The following TTC3 variants were observed in gnomAD, a reference collection of about 807,000 sequenced individuals.
TTC3 encodes the protein E3 ubiquitin-protein ligase TTC3.
TTC3 carries 180 observed loss-of-function variants against 249.6 expected under a neutral mutation model. That is an observed-to-expected ratio of 0.72 (90% CI 0.64 to 0.82). The LOEUF is 0.82. Ranked by LOEUF, TTC3 falls within the 40% of genes least tolerant of loss-of-function variation. The pLI is 0.00. For missense variants in TTC3, 2,061 were observed against 2,398.4 expected (o/e 0.86, Z 2.94); for synonymous variants, 717 against 805.0 (o/e 0.89, Z 1.85).
intron 11 of TTC3, among the ~76,000 whole-genome samples, chr21:37,114,807 G>A (rs934354437): frequency 1.6e-4 from 24 of 152,096 alleles, no homozygotes; most frequent in East Asian, 5.8e-4. Context: ...GATAGACTGG[G>A]TTAAGAAAAT....
At chr21:37,092,029 T>G (rs1208582994) in intron 7 of TTC3, among the ~76,000 whole-genome samples, 1 of 152,266 alleles carries the variant, frequency 6.6e-6, no homozygotes, top group Non-Finnish European at 1.5e-5. Flanking sequence ...TAGTCTCCTT[T>G]GTAAGAAAAA....
At position 37,126,153 on chromosome 21, in the gene TTC3, G is replaced by A; in HGVS notation, c.1297+10G>A. ...TTTTCACCACCATCAAGTGAGTATT[G>A]TTTTTATATCAATTGTTGCCAAGTT... On this transcript the variant is annotated intron_variant, in intron 15 of 45. Transcript: ENST00000355666. 5 of 1,604,760 alleles carry A rather than the reference G, an allele frequency of 3.1e-6. No individual in the cohort carries two copies. The highest frequency in any genetic ancestry group is 4.3e-6 in the Non-Finnish European group (5 of 1,175,944).
At chr21:37,114,377 T>C (rs2075946398) in intron 11 of TTC3, among the ~76,000 whole-genome samples, 1 of 152,172 alleles carries the variant, frequency 6.6e-6, no homozygotes, top group African/African-American at 2.4e-5. Flanking sequence ...GGGCGAAGGA[T>C]ATGAACAGAC....
At chr21:37,144,072 A>G (rs1403139060) in intron 20 of TTC3, among the ~76,000 whole-genome samples, 2 of 151,768 alleles carry the variant, frequency 1.3e-5, no homozygotes, top group African/African-American at 2.4e-5. Context: ...GAAGGGGAAC[A>G]TCACACACTG....
At chr21:37,195,990 A>G (rs146269054) in exon 42 of TTC3, 4 of 1,614,098 alleles carry the variant, frequency 2.5e-6, no homozygotes, top group East Asian at 2.2e-5. Context: ...AAAGCCGTTC[A>G]ATAGTATTAT....
At chr21:37,099,209 G>T (rs1203754970) in intron 10 of TTC3, 3 of 152,088 alleles carry the variant, frequency 2.0e-5, no homozygotes, top group African/African-American at 7.2e-5. Context: ...ATTTAAAAAA[G>T]AACTTTGGCA....
intron 28 of TTC3, chr21:37,157,113 A>G (rs2080174135): frequency 1.4e-6 from 2 of 1,421,768 alleles, no homozygotes; most frequent in Admixed American, 2.1e-5. Context: ...GAGATACTCA[A>G]ATGTAGGTAT....
intron 10 of TTC3, among the ~76,000 whole-genome samples, chr21:37,101,582 C>T (rs925081748): frequency 6.6e-6 from 1 of 152,160 alleles, no homozygotes; most frequent in Non-Finnish European, 1.5e-5. Flanking sequence ...CAGCTCTGAC[C>T]CATCCTCTGA....
chr21:37,117,416 T>A (rs1028617609), intron 11 of TTC3, among the ~76,000 whole-genome samples: 1 of 152,188 alleles, frequency 6.6e-6, no homozygotes. Context: ...GTCATTCTTT[T>A]GCTTGAAACA....
At chr21:37,200,377 T>TTCTTATTTC in intron 45 of TTC3, 53 bp downstream of exon 45, 1 of 1,543,220 alleles carries the variant, frequency 6.5e-7, no homozygotes, top group Non-Finnish European at 8.9e-7. Context: ...CTTCAAATAT[T>TTCTTATTTC]TTCAAAATAA....
intron 28 of TTC3, among the ~76,000 whole-genome samples, chr21:37,158,386 C>G (rs2080329741): frequency 6.6e-6 from 1 of 152,238 alleles, no homozygotes; most frequent in Admixed American, 6.5e-5. Flanking sequence ...GTCATGAGGT[C>G]AGAAGCCACT....
chr21:37,179,945 A>T (rs901449252), intron 35 of TTC3, among the ~76,000 whole-genome samples: 5 of 152,350 alleles, frequency 3.3e-5, no homozygotes, highest in Admixed American at 6.5e-5. Flanking sequence ...CTATCAGCCT[A>T]CATCAGAGGA....
In TTC3 at chr21:37,172,897, C is replaced by G. The variant is rs1241468059; in HGVS notation, c.4617+153C>G. On this transcript the variant is annotated intron_variant, in intron 35 of 45. Coordinates refer to ENST00000355666, the Ensembl canonical transcript of TTC3. Reference sequence around the variant, plus strand: ...TCGCCTGCTTCAGATTTCTTCATGACATATTAAAGTGGCTGTTGCCATGCT... The same window carrying G: ...TCGCCTGCTTCAGATTTCTTCATGAGATATTAAAGTGGCTGTTGCCATGCT... Among the ~76,000 whole-genome samples, 3 of 152,332 alleles carry G rather than the reference C, an allele frequency of 2.0e-5. No individual in the cohort carries two copies. In the South Asian group the frequency reaches 6.2e-4, roughly 32 times the overall value.
chr21:37,151,510 A>G (rs1327696214), intron 25 of TTC3, among the ~76,000 whole-genome samples: 1 of 152,136 alleles, frequency 6.6e-6, no homozygotes, highest in African/African-American at 2.4e-5. Flanking sequence ...ACCAAATTAT[A>G]GTGTTGTGGG....
chr21:37,183,461 C>G (rs2082939486), intron 36 of TTC3, among the ~76,000 whole-genome samples: 2 of 152,160 alleles, frequency 1.3e-5, no homozygotes, highest in South Asian at 4.1e-4. Context: ...AGTGATAGGT[C>G]AAATTCTTCA....
intron 35 of TTC3, among the ~76,000 whole-genome samples, chr21:37,181,863 A>G (rs1179815195): frequency 6.6e-6 from 1 of 152,190 alleles, no homozygotes. Context: ...TCGAGTTTCT[A>G]TAGCTGAAAT....
intron 27 of TTC3, among the ~76,000 whole-genome samples, chr21:37,155,566 T>C (rs1428485643): frequency 6.6e-6 from 1 of 152,228 alleles, no homozygotes; most frequent in Non-Finnish European, 1.5e-5. Flanking sequence ...GCAAGCAGTC[T>C]AGGATAATTT....
At chr21:37,144,794 C>A in intron 21 of TTC3, 149 bp downstream of exon 21, 1 of 1,028,406 alleles carries the variant, frequency 9.7e-7, no homozygotes, top group Admixed American at 3.0e-5. Context: ...GAATCTCTGA[C>A]ATTTATTGAA....
intron 21 of TTC3, 34 bp downstream of exon 21, chr21:37,144,679 G>C (rs758298044): frequency 6.3e-7 from 1 of 1,594,768 alleles, no homozygotes; most frequent in Middle Eastern, 1.7e-4. Context: ...GTTTCTTACT[G>C]TGAATGCTTA....
Sources: gnomAD v4.1 joint callset for allele counts (sites outside exome capture counted in the v4.1 genomes callset) on GRCh38, gnomAD v4.1.1 for gene constraint, MANE v1.5 for transcripts, NCBI Gene and HGNC (gene_info 2026-07-23, HGNC 2026-07-21) for gene names.